The following CCSER1 variants were observed in gnomAD, a reference collection of about 807,000 sequenced individuals.
The protein encoded by CCSER1 is serine-rich coiled-coil domain-containing protein 1.
CCSER1 carries 41 observed loss-of-function variants against 82.0 expected under a neutral mutation model. The ratio of observed to expected loss-of-function variants is 0.50; its 90% CI spans 0.39 to 0.65. CCSER1 has a LOEUF of 0.65. CCSER1 is among the 30% of genes least tolerant of loss of function. The pLI, the probability that CCSER1 is intolerant of heterozygous loss-of-function variation, is 0.00. For missense variants in CCSER1, 1,119 were observed against 1,064.2 expected (o/e 1.05, Z -0.72); for synonymous variants, 414 against 383.9 (o/e 1.08, Z -0.92).
chr4:90,289,365 A>C (rs1007102054), intron 1 of CCSER1, among the ~76,000 whole-genome samples: 2 of 151,878 alleles, frequency 1.3e-5, no homozygotes, highest in Middle Eastern at 3.2e-3. Flanking sequence ...TAGATTTTCA[A>C]AGTTATTTTA....
intron 10 of CCSER1, among the ~76,000 whole-genome samples, chr4:91,240,378 A>G (rs1314980140): frequency 2.0e-5 from 1 of 48,936 alleles, no homozygotes; most frequent in Non-Finnish European, 3.5e-5. Flanking sequence ...CGCCCGGCCT[A>G]TTTTAAGCAT....
chr4:91,245,023 G>C (rs1369224126), intron 10 of CCSER1, among the ~76,000 whole-genome samples: 1 of 151,934 alleles, frequency 6.6e-6, no homozygotes, highest in East Asian at 1.9e-4. Flanking sequence ...TCTCTTAATA[G>C]CAGAAATGAT....
intron 1 of CCSER1, among the ~76,000 whole-genome samples, chr4:90,141,046 A>ATCTG (rs1385627743): frequency 6.6e-6 from 1 of 151,600 alleles, no homozygotes; most frequent in Non-Finnish European, 1.5e-5. Flanking sequence ...CTATCTATCT[A>ATCTG]TCTATCTATC....
At chr4:90,932,696 C>T (rs1729979079) in intron 9 of CCSER1, among the ~76,000 whole-genome samples, 1 of 150,494 alleles carries the variant, frequency 6.6e-6, no homozygotes, top group South Asian at 2.1e-4. Context: ...GGCGTTGTTG[C>T]GGACAACTGT....
intron 5 of CCSER1, among the ~76,000 whole-genome samples, chr4:90,568,925 G>A (rs955895403): frequency 2.0e-5 from 3 of 151,640 alleles, no homozygotes; most frequent in African/African-American, 7.3e-5. Flanking sequence ...CCACCACCAC[G>A]CTCGGCTAAT....
At position 90,472,713 on chromosome 4, in the gene CCSER1, T is replaced by C. The variant is rs140310317; in HGVS notation, c.1724+4359T>C. On this transcript the variant is annotated intron_variant, in intron 5 of 10. Coordinates refer to ENST00000509176, the MANE Select transcript of CCSER1 (RefSeq NM_001145065.2). Reference sequence around the variant, plus strand: ...TTAAAAAATAGAATAATCTATGTAATCCAAAAAGAGTGTACAATTTTCAAA... The same window carrying C: ...TTAAAAAATAGAATAATCTATGTAACCCAAAAAGAGTGTACAATTTTCAAA... Among the ~76,000 whole-genome samples, 1,104 of 152,210 alleles carry C rather than the reference T, an allele frequency of 7.3e-3. 7 individuals are homozygous for C. The highest frequency in any genetic ancestry group is 0.025 in the African/African-American group (1,059 of 41,548).
At chr4:91,468,615 T>A (rs577488273) in intron 10 of CCSER1, among the ~76,000 whole-genome samples, 1 of 152,154 alleles carries the variant, frequency 6.6e-6, no homozygotes, top group Non-Finnish European at 1.5e-5. Flanking sequence ...ATCCAACAAA[T>A]AAGGATGATT....
chr4:90,581,514 TTGTG>T (rs1014113216), intron 5 of CCSER1, among the ~76,000 whole-genome samples: 1 of 151,966 alleles, frequency 6.6e-6, no homozygotes, highest in African/African-American at 2.4e-5. Context: ...GTGTGTGTGT[TTGTG>T]TGTGTATCTG....
At chr4:90,591,582 G>C (rs1288013217) in intron 5 of CCSER1, among the ~76,000 whole-genome samples, 2 of 152,170 alleles carry the variant, frequency 1.3e-5, no homozygotes, top group South Asian at 2.1e-4. Context: ...TTACTCTATT[G>C]ATGGGAGTCT....
At chr4:90,472,788 G>A (rs1458200453) in intron 5 of CCSER1, among the ~76,000 whole-genome samples, 1 of 152,090 alleles carries the variant, frequency 6.6e-6, no homozygotes, top group Admixed American at 6.6e-5. Flanking sequence ...GAGAGTGACT[G>A]TTCACAATAG....
intron 9 of CCSER1, among the ~76,000 whole-genome samples, chr4:91,084,291 G>C (rs1340145344): frequency 6.6e-6 from 1 of 152,088 alleles, no homozygotes; most frequent in Non-Finnish European, 1.5e-5. Flanking sequence ...AATGAGAGGA[G>C]GCAGAAGAGA....
At chr4:91,587,626 A>G (rs528949847) in intron 10 of CCSER1, among the ~76,000 whole-genome samples, 186 of 151,890 alleles carry the variant, frequency 1.2e-3, no homozygotes, top group Middle Eastern at 3.4e-3. Context: ...TCCATCGTTC[A>G]TGAGATTTGC....
chr4:90,599,879 T>C (rs966140345), intron 5 of CCSER1, among the ~76,000 whole-genome samples: 3 of 152,220 alleles, frequency 2.0e-5, no homozygotes, highest in Non-Finnish European at 4.4e-5. Flanking sequence ...CTTTCATCCC[T>C]CCTGCTGTGG....
chr4:91,588,775 A>C (rs1578865725), intron 10 of CCSER1, among the ~76,000 whole-genome samples: 1 of 151,926 alleles, frequency 6.6e-6, no homozygotes, highest in Non-Finnish European at 1.5e-5. Context: ...GAATTTCCTT[A>C]AATGACATTT....
intron 10 of CCSER1, among the ~76,000 whole-genome samples, chr4:91,424,208 G>A (rs919633797): frequency 2.0e-5 from 3 of 150,472 alleles, no homozygotes; most frequent in Non-Finnish European, 3.0e-5. Context: ...TAGTAGAGAC[G>A]GGGTTTCACC....
chr4:90,871,137 T>C (rs568887681), intron 8 of CCSER1, among the ~76,000 whole-genome samples: 2 of 151,702 alleles, frequency 1.3e-5, no homozygotes, highest in East Asian at 3.9e-4. Context: ...CTTTTCATTT[T>C]GTTGATCTTT....
chr4:90,214,662 A>T (rs1330420991), intron 1 of CCSER1, among the ~76,000 whole-genome samples: 1 of 152,206 alleles, frequency 6.6e-6, no homozygotes, highest in African/African-American at 2.4e-5. Context: ...ACAAAGGCAC[A>T]ATCAGAGTTT....
At position 90,524,710 on chromosome 4, in the gene CCSER1, G is replaced by A. The variant is rs540595974; in HGVS notation, c.1724+56356G>A. On this transcript the variant is annotated intron_variant, in intron 5 of 10. Transcript: ENST00000509176. ...TCTCTATCTGTTGACCTCATGATCC[G>A]TCTGCCTCGGCCTCCCAAAGTGCTG... Among the ~76,000 whole-genome samples the A allele has an allele frequency of 1.1e-4, 16 of 152,090 alleles. No homozygotes were observed. The East Asian group carries it at 2.1e-3, about 20-fold the overall frequency.
At chr4:90,870,837 C>CT (rs1766388390) in intron 8 of CCSER1, among the ~76,000 whole-genome samples, 1 of 140,384 alleles carries the variant, frequency 7.1e-6, no homozygotes, top group Non-Finnish European at 1.5e-5. Flanking sequence ...TTTTTTTTAC[C>CT]GGGAGACTAT....
Sources: gnomAD v4.1 joint callset for allele counts (sites outside exome capture counted in the v4.1 genomes callset) on GRCh38, gnomAD v4.1.1 for gene constraint, MANE v1.5 for transcripts, NCBI Gene and HGNC (gene_info 2026-07-23, HGNC 2026-07-21) for gene names.